EYS: variants seen among roughly 807,000 people sequenced by gnomAD.
EYS encodes the protein EGF-like photoreceptor maintenance factor.
EYS carries 250 observed loss-of-function variants against 282.1 expected under a neutral mutation model. The observed-to-expected ratio is 0.89, with a 90% confidence interval of 0.80 to 0.98. EYS has a LOEUF of 0.98. Ranked by LOEUF, EYS falls within the 50% of genes least tolerant of loss-of-function variation. The pLI, the probability that EYS is intolerant of heterozygous loss-of-function variation, is 0.00. For synonymous variants in EYS, 1,355 were observed against 1,282.9 expected (o/e 1.06, Z -1.20); for missense variants, 4,016 against 3,709.0 (o/e 1.08, Z -2.15).
At chr6:65,442,427 C>T (rs1433089492) in intron 5 of EYS, among the ~76,000 whole-genome samples, 1 of 151,920 alleles carries the variant, frequency 6.6e-6, no homozygotes, top group Non-Finnish European at 1.5e-5. Context: ...TTTATTACTT[C>T]ATACTGCTGT....
intron 22 of EYS, among the ~76,000 whole-genome samples, chr6:64,667,734 A>G (rs549463559): frequency 1.3e-5 from 2 of 152,238 alleles, no homozygotes; most frequent in Non-Finnish European, 2.9e-5. Context: ...GTTTTTTAAG[A>G]TTTTTAATAT....
chr6:65,236,904 G>A (rs891537268), intron 12 of EYS, among the ~76,000 whole-genome samples: 1 of 152,106 alleles, frequency 6.6e-6, no homozygotes, highest in African/African-American at 2.4e-5. Flanking sequence ...CCAATACAAT[G>A]AATGTGGTTT....
At chr6:64,897,113 A>T in intron 18 of EYS, among the ~76,000 whole-genome samples, 1 of 152,134 alleles carries the variant, frequency 6.6e-6, no homozygotes, top group Non-Finnish European at 1.5e-5. Context: ...CTGCTAAGGG[A>T]CAGACTGCCT....
intron 12 of EYS, among the ~76,000 whole-genome samples, chr6:65,077,339 T>C (rs1257020146): frequency 6.6e-6 from 1 of 152,064 alleles, no homozygotes; most frequent in Non-Finnish European, 1.5e-5. Flanking sequence ...TCCATCACCA[T>C]TAAAGAGAGA....
intron 12 of EYS, among the ~76,000 whole-genome samples, chr6:65,231,291 T>C (rs541883572): frequency 6.6e-6 from 1 of 150,434 alleles, no homozygotes; most frequent in East Asian, 1.9e-4. Flanking sequence ...TTTCTCTGTG[T>C]ATTAGATCAG....
chr6:64,406,029 T>G (rs1773694818), intron 28 of EYS, among the ~76,000 whole-genome samples: 3 of 152,162 alleles, frequency 2.0e-5, no homozygotes, highest in Non-Finnish European at 2.9e-5. Flanking sequence ...AGAATAAAGC[T>G]GGAGGCATCA....
intron 15 of EYS, among the ~76,000 whole-genome samples, chr6:64,913,728 T>C (rs1203990063): frequency 6.6e-6 from 1 of 152,144 alleles, no homozygotes; most frequent in African/African-American, 2.4e-5. Context: ...ATGAGTGAAG[T>C]TGTCTTTTTG....
intron 36 of EYS, among the ~76,000 whole-genome samples, chr6:63,855,914 C>A (rs949544478): frequency 6.6e-6 from 1 of 151,624 alleles, no homozygotes; most frequent in East Asian, 1.9e-4. Context: ...ACAATATAAG[C>A]ATGTCACTGA....
chr6:65,433,290 A>G (rs1025468861), intron 5 of EYS, among the ~76,000 whole-genome samples: 21 of 152,182 alleles, frequency 1.4e-4, no homozygotes, highest in Admixed American at 1.4e-3. Flanking sequence ...GATCAATTTT[A>G]TGACAATCAC....
chr6:64,457,210 C>A (rs1200350575), intron 26 of EYS, among the ~76,000 whole-genome samples: 4 of 151,910 alleles, frequency 2.6e-5, no homozygotes, highest in African/African-American at 9.7e-5. Flanking sequence ...ACATTTTATA[C>A]CACCATGGTC....
chr6:64,311,386 A>G (rs1376999908), intron 29 of EYS, among the ~76,000 whole-genome samples: 1 of 152,224 alleles, frequency 6.6e-6, no homozygotes, highest in Non-Finnish European at 1.5e-5. Context: ...ATTGCATGGT[A>G]TCTTCATTTA....
At chr6:65,607,594 T>C (rs1013517918) in intron 2 of EYS, among the ~76,000 whole-genome samples, 20 of 151,850 alleles carry the variant, frequency 1.3e-4, no homozygotes, top group African/African-American at 4.8e-4. Flanking sequence ...TTAAGAAGTA[T>C]GTTTAATCAA....
chr6:64,844,206 A>G (rs1388592929), intron 19 of EYS, among the ~76,000 whole-genome samples: 2 of 151,708 alleles, frequency 1.3e-5, no homozygotes, highest in Non-Finnish European at 2.9e-5. Context: ...TCATCTCTCC[A>G]TATTAAGTGA....
At chr6:64,772,836 A>G (rs1773564396) in intron 22 of EYS, among the ~76,000 whole-genome samples, 1 of 151,688 alleles carries the variant, frequency 6.6e-6, no homozygotes, top group Non-Finnish European at 1.5e-5. Context: ...TTGCAAATAT[A>G]TCTTTGTTCT....
chr6:65,028,930 T>G (rs1772511892), intron 13 of EYS, among the ~76,000 whole-genome samples: 1 of 152,096 alleles, frequency 6.6e-6, no homozygotes, highest in Admixed American at 6.6e-5. Flanking sequence ...CCCTAAGTAT[T>G]TGTCTATTTT....
intron 22 of EYS, among the ~76,000 whole-genome samples, chr6:64,724,112 A>G (rs1771677415): frequency 6.6e-6 from 1 of 152,102 alleles, no homozygotes. Flanking sequence ...GGAAACTGCT[A>G]TAGTGAGAAC....
At chr6:64,635,782 C>A (rs1767954905) in intron 22 of EYS, among the ~76,000 whole-genome samples, 1 of 152,138 alleles carries the variant, frequency 6.6e-6, no homozygotes, top group African/African-American at 2.4e-5. Flanking sequence ...GTCAAAAATT[C>A]TCTTTTTTGG....
chr6:63,818,576 CT>C lies in EYS; in HGVS notation c.7229-12205del, dbSNP rs1771241376. On this transcript the variant is annotated intron_variant, in intron 36 of 42. Coordinates refer to ENST00000503581, the MANE Select transcript of EYS (RefSeq NM_001142800.2). ...CCTGTACACTCTATTTACTTCTAAC[CT>C]TCCTCTGTGTGGTAAGGTTTTTTAA... Among the ~76,000 whole-genome samples the C allele has an allele frequency of 2.0e-5, 3 of 152,144 alleles. No individual in the cohort carries two copies. The South Asian group carries it at 6.2e-4, about 32-fold the overall frequency.
At chr6:63,914,339 C>A (rs1764362383) in intron 35 of EYS, among the ~76,000 whole-genome samples, 1 of 152,120 alleles carries the variant, frequency 6.6e-6, no homozygotes. Context: ...GCCTCTTGCA[C>A]CAAACAGCCA....
Sources: allele counts gnomAD v4.1 joint callset (sites outside exome capture counted in the v4.1 genomes callset), GRCh38; gene constraint gnomAD v4.1.1; transcripts MANE v1.5; gene names NCBI Gene and HGNC (gene_info 2026-07-23, HGNC 2026-07-21).